The following LCMT1 variants were observed in gnomAD, a reference collection of about 807,000 sequenced individuals.
The protein encoded by LCMT1 is [Phosphatase 2A protein]-leucine-carboxy methyltransferase 1.
A neutral mutation model predicts 47.7 loss-of-function variants in LCMT1; 32 were observed. The observed-to-expected ratio is 0.67, with a 90% CI of 0.51 to 0.90. The LOEUF (loss-of-function observed/expected upper bound fraction) is 0.90, where lower values mean the gene tolerates loss of function less well. LCMT1 is among the 40% of genes least tolerant of loss of function. The pLI is 0.00. For missense variants in LCMT1, 375 were observed against 415.2 expected (o/e 0.90, Z 0.84); for synonymous variants, 152 against 149.7 (o/e 1.02, Z -0.11).
At chr16:25,154,114 A>T (rs1961163217) in intron 5 of LCMT1, among the ~76,000 whole-genome samples, 1 of 151,628 alleles carries the variant, frequency 6.6e-6, no homozygotes. Flanking sequence ...GGTTCAAGCG[A>T]TTCTCCTGCC....
intron 1 of LCMT1, among the ~76,000 whole-genome samples, chr16:25,126,514 A>G (rs962608057): frequency 7.3e-6 from 1 of 136,186 alleles, no homozygotes; most frequent in Non-Finnish European, 1.6e-5. Flanking sequence ...CTTCCTCTCT[A>G]CGAGTCACTG....
intron 1 of LCMT1, among the ~76,000 whole-genome samples, chr16:25,117,841 G>C (rs1959846735): frequency 6.7e-6 from 1 of 148,364 alleles, no homozygotes. Flanking sequence ...GACAGAGAGA[G>C]ACTCCGTCTC....
chr16:25,123,762 C>T (rs1383190249), intron 1 of LCMT1, among the ~76,000 whole-genome samples: 1 of 151,558 alleles, frequency 6.6e-6, no homozygotes, highest in African/African-American at 2.4e-5. Flanking sequence ...CATGAGCCAC[C>T]ATATGCGGCT....
At chr16:25,133,059 C>T (rs1484707738) in intron 3 of LCMT1, among the ~76,000 whole-genome samples, 1 of 152,096 alleles carries the variant, frequency 6.6e-6, no homozygotes, top group African/African-American at 2.4e-5. Context: ...AGCGGTCTCA[C>T]TATGTTGCCC....
intron 7 of LCMT1, among the ~76,000 whole-genome samples, chr16:25,165,166 C>G (rs949723299): frequency 2.6e-5 from 4 of 152,186 alleles, no homozygotes; most frequent in African/African-American, 9.6e-5. Flanking sequence ...CCATTTACAG[C>G]CAGTTGTTAT....
intron 1 of LCMT1, among the ~76,000 whole-genome samples, chr16:25,121,544 A>G (rs1303760787): frequency 6.6e-6 from 1 of 152,190 alleles, no homozygotes; most frequent in Non-Finnish European, 1.5e-5. Context: ...CTATGAAGAA[A>G]TACCTGAGAC....
intron 3 of LCMT1, among the ~76,000 whole-genome samples, chr16:25,132,858 CT>C (rs34311865): frequency 2.2e-3 from 308 of 140,494 alleles, no homozygotes; most frequent in Middle Eastern, 0.011. Flanking sequence ...GCATTTGTAA[CT>C]TTTTTTTTTT....
At chr16:25,150,339 T>TG (rs1961038417) in intron 4 of LCMT1, among the ~76,000 whole-genome samples, 2 of 136,912 alleles carry the variant, frequency 1.5e-5, no homozygotes, top group African/African-American at 5.6e-5. Context: ...TCTGGTTTTT[T>TG]TTTTTTTTTT....
chr16:25,117,128 T>C (rs1959816441), intron 1 of LCMT1, among the ~76,000 whole-genome samples: 1 of 152,154 alleles, frequency 6.6e-6, no homozygotes, highest in Non-Finnish European at 1.5e-5. Flanking sequence ...TGATCTTGGT[T>C]TGTGTTTTAG....
At chr16:25,174,479 T>C (rs1245667881) in intron 9 of LCMT1, among the ~76,000 whole-genome samples, 1 of 152,214 alleles carries the variant, frequency 6.6e-6, no homozygotes, top group African/African-American at 2.4e-5. Context: ...CTTTTTAAAT[T>C]ACGCAACTTG....
chr16:25,117,920 C>G lies in LCMT1; in HGVS notation c.113+5924C>G, dbSNP rs143032341. Among the ~76,000 whole-genome samples the G allele has an allele frequency of 2.4e-3, 361 of 151,996 alleles. 2 individuals are homozygous for G. Among genetic ancestry groups the G allele is most frequent in the African/African-American group, 8.4e-3 (348 of 41,456 alleles). ...TTATTTTCCCTCTTGTGCAGTCACC[C>G]AGACCTGTTAACTTTTATCTGCTAA... On this transcript the variant is annotated intron_variant, in intron 1 of 10. Transcript: ENST00000399069.
At chr16:25,177,314 C>T (rs1245239063) in intron 10 of LCMT1, among the ~76,000 whole-genome samples, 1 of 152,158 alleles carries the variant, frequency 6.6e-6, no homozygotes, top group Admixed American at 6.5e-5. Flanking sequence ...GTATGCCTGT[C>T]AGTCAGAGAT....
At chr16:25,176,144 A>G (rs1422591265) in intron 10 of LCMT1, among the ~76,000 whole-genome samples, 2 of 152,156 alleles carry the variant, frequency 1.3e-5, no homozygotes, top group African/African-American at 4.8e-5. Context: ...GCCACGGAGA[A>G]CAGGCGTGGA....
chr16:25,150,447 C>T (rs566269767), intron 4 of LCMT1, among the ~76,000 whole-genome samples: 4 of 145,124 alleles, frequency 2.8e-5, no homozygotes, highest in Admixed American at 7.4e-5. Flanking sequence ...TAGGTGCAAG[C>T]GATTCTCCTG....
At chr16:25,154,003 T>C (rs565130988) in intron 5 of LCMT1, among the ~76,000 whole-genome samples, 1 of 152,150 alleles carries the variant, frequency 6.6e-6, no homozygotes, top group Non-Finnish European at 1.5e-5. Context: ...TGATGCCCTA[T>C]TATTTTTATT....
At chr16:25,164,757 T>C in intron 7 of LCMT1, 39 bp downstream of exon 7, 1 of 1,613,594 alleles carries the variant, frequency 6.2e-7, no homozygotes, top group Non-Finnish European at 8.5e-7. Flanking sequence ...CCATACAGGA[T>C]CGCCGTGGTG....
chr16:25,136,684 G>T (rs2141658109), intron 3 of LCMT1, among the ~76,000 whole-genome samples: 1 of 151,888 alleles, frequency 6.6e-6, no homozygotes, highest in African/African-American at 2.4e-5. Context: ...CGAGTAGCTG[G>T]GATTACAGAT....
intron 5 of LCMT1, among the ~76,000 whole-genome samples, chr16:25,155,052 G>A (rs1483115703): frequency 2.6e-5 from 4 of 152,164 alleles, no homozygotes; most frequent in East Asian, 1.9e-4. Flanking sequence ...CTACAAGGCT[G>A]TTGACAGTGA....
intron 10 of LCMT1, among the ~76,000 whole-genome samples, chr16:25,176,493 G>A (rs1961942445): frequency 1.4e-5 from 2 of 146,644 alleles, no homozygotes; most frequent in Non-Finnish European, 3.0e-5. Context: ...ATGCAGCTCA[G>A]CCCACACAAT....
Sources: allele counts gnomAD v4.1 joint callset (sites outside exome capture counted in the v4.1 genomes callset), GRCh38; gene constraint gnomAD v4.1.1; transcripts MANE v1.5; gene names NCBI Gene and HGNC (gene_info 2026-07-23, HGNC 2026-07-21).